Variants in WWOX observed in about 807,000 individuals in gnomAD.
WWOX encodes WW domain containing oxidoreductase, also known as WW domain-containing oxidoreductase.
In WWOX, 69 loss-of-function variants were observed where a neutral mutation model predicts 46.2. That is an observed-to-expected ratio of 1.49 (90% CI 1.23 to 1.82). WWOX has a LOEUF of 1.82. Ranked by LOEUF, WWOX falls within the 40% of genes most tolerant of loss-of-function variation. The pLI is 0.00. For synonymous variants in WWOX, 359 were observed against 202.6 expected (o/e 1.77, Z -6.56); for missense variants, 919 against 542.6 (o/e 1.69, Z -6.89).
chr16:78,230,646 G>C (rs939274894), intron 5 of WWOX, among the ~76,000 whole-genome samples: 9 of 152,214 alleles, frequency 5.9e-5, no homozygotes, highest in African/African-American at 1.9e-4. Flanking sequence ...ATTCGCAAAG[G>C]TTTTCAAATG....
chr16:78,219,293 TTGAG>T (rs1185660782), intron 5 of WWOX, among the ~76,000 whole-genome samples: 2 of 152,142 alleles, frequency 1.3e-5, no homozygotes, highest in African/African-American at 4.8e-5. Flanking sequence ...TAGATGAACA[TTGAG>T]TGTTTTGCTC....
intron 8 of WWOX, among the ~76,000 whole-genome samples, chr16:78,955,817 T>C (rs2046154482): frequency 1.3e-5 from 2 of 151,076 alleles, no homozygotes; most frequent in Non-Finnish European, 2.9e-5. Flanking sequence ...CTGGCTAATT[T>C]ATTTTTTGTA....
chr16:78,765,423 A>G (rs556561927), intron 8 of WWOX, among the ~76,000 whole-genome samples: 149 of 152,300 alleles, frequency 9.8e-4, no homozygotes, highest in African/African-American at 3.5e-3. Flanking sequence ...TCATACTTAT[A>G]ATCCCAGCAC....
At chr16:78,137,611 G>A (rs1442896504) in intron 4 of WWOX, among the ~76,000 whole-genome samples, 1 of 152,148 alleles carries the variant, frequency 6.6e-6, no homozygotes, top group African/African-American at 2.4e-5. Context: ...GTAAAAAGGA[G>A]CTGGGTTAAG....
At chr16:79,156,413 A>G (rs1033000130) in intron 8 of WWOX, among the ~76,000 whole-genome samples, 1 of 152,196 alleles carries the variant, frequency 6.6e-6, no homozygotes, top group Non-Finnish European at 1.5e-5. Flanking sequence ...CACCCGCCTC[A>G]GCCTCCCAAA....
intron 5 of WWOX, among the ~76,000 whole-genome samples, chr16:78,378,132 A>C (rs1045700384): frequency 1.1e-4 from 16 of 149,416 alleles, no homozygotes; most frequent in East Asian, 4.0e-4. Flanking sequence ...CCCCCTGCCT[A>C]AAAAAAAGGA....
At chr16:79,031,701 T>G (rs1365971617) in intron 8 of WWOX, among the ~76,000 whole-genome samples, 1 of 148,932 alleles carries the variant, frequency 6.7e-6, no homozygotes, top group Non-Finnish European at 1.5e-5. Context: ...GTGGATGTAT[T>G]TTTTCTAGTT....
At chr16:78,566,934 A>T (rs990214071) in intron 8 of WWOX, among the ~76,000 whole-genome samples, 1 of 152,244 alleles carries the variant, frequency 6.6e-6, no homozygotes, top group Admixed American at 6.5e-5. Context: ...CAGTATCGAT[A>T]GCAATCATAG....
intron 8 of WWOX, among the ~76,000 whole-genome samples, chr16:78,617,378 G>A (rs1254148379): frequency 6.7e-6 from 1 of 149,394 alleles, no homozygotes. Flanking sequence ...CCCCAGCCTG[G>A]GCCACACAGA....
At chr16:78,643,473 A>C (rs1109357) in intron 8 of WWOX, among the ~76,000 whole-genome samples, 1 of 152,112 alleles carries the variant, frequency 6.6e-6, no homozygotes, top group Non-Finnish European at 1.5e-5. Flanking sequence ...GTCACCCATG[A>C]GTAGCAATTA....
intron 8 of WWOX, among the ~76,000 whole-genome samples, chr16:79,148,334 T>TC (rs2050217134): frequency 6.6e-6 from 1 of 152,198 alleles, no homozygotes; most frequent in Non-Finnish European, 1.5e-5. Flanking sequence ...AAAATGATCT[T>TC]CCTCCAGAGA....
At chr16:78,583,615 T>G (rs995842599) in intron 8 of WWOX, among the ~76,000 whole-genome samples, 2 of 152,198 alleles carry the variant, frequency 1.3e-5, no homozygotes, top group Non-Finnish European at 2.9e-5. Flanking sequence ...AAGCTGGGAT[T>G]GACCCAGTGA....
chr16:78,565,952 T>C lies in WWOX; in HGVS notation c.1056+133200T>C, dbSNP rs368494602. Reference sequence around the variant, plus strand: ...GCAGATATTCATACAATGGCGATTGTTTTGTCTGCCTGGATGGCTTTAACA... The same window carrying C: ...GCAGATATTCATACAATGGCGATTGCTTTGTCTGCCTGGATGGCTTTAACA... On this transcript the variant is annotated intron_variant, in intron 8 of 8. Transcript: ENST00000566780. Among the ~76,000 whole-genome samples the C allele has an allele frequency of 3.0e-5, 4 of 135,430 alleles. No homozygotes were observed. The East Asian group carries it at 7.0e-4, about 24-fold the overall frequency. 88.8% of individuals were successfully genotyped at this position (135,430 alleles called of 152,430 possible).
intron 8 of WWOX, among the ~76,000 whole-genome samples, chr16:78,973,552 TC>T (rs2046513503): frequency 6.6e-6 from 1 of 152,172 alleles, no homozygotes; most frequent in Non-Finnish European, 1.5e-5. Context: ...CTTTTTGCTT[TC>T]TTTTTTTGGG....
In WWOX at chr16:78,735,619, A is replaced by G. The variant is rs113004545; in HGVS notation, c.1056+302867A>G. On this transcript the variant is annotated intron_variant, in intron 8 of 8. Coordinates refer to ENST00000566780, the MANE Select transcript of WWOX (RefSeq NM_016373.4). ...CTGCAGGCATGGGCCTGCCCTGTACATGAGGAGACAGCAGACAGTTCCTCT... is the reference window on the plus strand; with the variant it reads ...CTGCAGGCATGGGCCTGCCCTGTACGTGAGGAGACAGCAGACAGTTCCTCT... Among the ~76,000 whole-genome samples the G allele has an allele frequency of 1.7e-3, 256 of 152,350 alleles. 2 individuals carry two copies. The highest frequency in any genetic ancestry group is 6.0e-3 in the African/African-American group (249 of 41,586).
intron 8 of WWOX, among the ~76,000 whole-genome samples, chr16:78,504,474 G>T (rs1376379329): frequency 6.6e-6 from 1 of 152,150 alleles, no homozygotes; most frequent in Non-Finnish European, 1.5e-5. Context: ...ATTGTCCAGG[G>T]TTTCCACCTC....
chr16:78,501,821 C>A (rs1037116475), intron 8 of WWOX, among the ~76,000 whole-genome samples: 1 of 152,102 alleles, frequency 6.6e-6, no homozygotes, highest in African/African-American at 2.4e-5. Context: ...TGAGAAGTTA[C>A]GTGAAACTAG....
At chr16:78,380,787 G>C (rs1346302991) in intron 5 of WWOX, among the ~76,000 whole-genome samples, 1 of 151,980 alleles carries the variant, frequency 6.6e-6, no homozygotes, top group Non-Finnish European at 1.5e-5. Flanking sequence ...GCAGTAACTT[G>C]CCCAGCCCCA....
intron 8 of WWOX, among the ~76,000 whole-genome samples, chr16:79,015,780 T>C (rs1042129131): frequency 3.9e-5 from 6 of 151,952 alleles, no homozygotes; most frequent in African/African-American, 1.5e-4. Context: ...TGAGACAGAC[T>C]GTCGCTCTGT....
Sources: allele counts gnomAD v4.1 joint callset (sites outside exome capture counted in the v4.1 genomes callset), GRCh38; gene constraint gnomAD v4.1.1; transcripts MANE v1.5; gene names NCBI Gene and HGNC (gene_info 2026-07-23, HGNC 2026-07-21).